The following LZTS1 variants were observed in gnomAD, a reference collection of about 807,000 sequenced individuals.
LZTS1 encodes leucine zipper tumor suppressor 1, also known as leucine zipper putative tumor suppressor 1.
Under a neutral mutation model 45.8 loss-of-function variants are expected in LZTS1, and 31 were observed. The ratio of observed to expected loss-of-function variants is 0.68; its 90% confidence interval spans 0.51 to 0.91. The LOEUF (loss-of-function observed/expected upper bound fraction) is 0.91. Among genes scored for constraint, LZTS1 ranks in the 40% least tolerant of loss-of-function variants. The pLI is 0.00. For missense variants in LZTS1, 821 were observed against 788.9 expected (o/e 1.04, Z -0.49); for synonymous variants, 359 against 357.3 (o/e 1.00, Z -0.05).
chr8:20,251,777 C>G (rs139365430), intron 3 of LZTS1, among the ~76,000 whole-genome samples: 2 of 152,238 alleles, frequency 1.3e-5, no homozygotes, highest in East Asian at 3.9e-4. Flanking sequence ...AGTCTTTACT[C>G]CAGTAGACAG....
At position 20,253,214 on chromosome 8, in the gene LZTS1, C is replaced by T. The variant is rs377416973; in HGVS notation, c.717G>A (p.Leu239=). 4.3e-6 allele frequency: 7 copies of T among 1,613,838 alleles called. No individual in the cohort carries two copies. The highest frequency in any genetic ancestry group is 1.3e-5 in the African/African-American group (1 of 75,068). ...CCTTGTCTGCCTTGTTCGAGTGGCCCAGCTTGCTACCTCCGTCGGAGAAGG... is the reference window on the plus strand; with the variant it reads ...CCTTGTCTGCCTTGTTCGAGTGGCCTAGCTTGCTACCTCCGTCGGAGAAGG... ...ALSFSDGGSK[L]GHSNKADKGP... The change falls in exon 3 of 4, where the codon CTG becomes CTA. Residue 239 remains leucine, a synonymous_variant. Transcript: ENST00000381569.
Position 20,255,086 on chromosome 8 carries a change from C to G in LZTS1, c.96G>C (p.Lys32Asn). The change falls in exon 2 of 4, where the codon AAG (lysine) becomes AAC (asparagine). Residue 32 changes from lysine (K) to asparagine (N), a missense_variant. Transcript: ENST00000381569. ...QYKLRKSSHL[K>N]KLNRYSDGLL... ...GCCCGTCGGAATACCGGTTGAGCTT[C>G]TTGAGGTGGGAGGACTTGCGCAGCT... 1 of 1,614,202 alleles carries G rather than the reference C, an allele frequency of 6.2e-7. No homozygotes were observed. The highest frequency in any genetic ancestry group is 8.5e-7 in the Non-Finnish European group (1 of 1,180,048).
chr8:20,302,753 C>G (rs1801102989), intron 1 of LZTS1, among the ~76,000 whole-genome samples: 1 of 152,194 alleles, frequency 6.6e-6, no homozygotes, highest in Admixed American at 6.5e-5. Flanking sequence ...AGACAGGAAA[C>G]ACTTTAGGAG....
At chr8:20,266,699 T>C (rs1017160934) in intron 1 of LZTS1, among the ~76,000 whole-genome samples, 1 of 152,212 alleles carries the variant, frequency 6.6e-6, no homozygotes, top group Non-Finnish European at 1.5e-5. Flanking sequence ...AAAAGCAGCA[T>C]GAATTTAACC....
chr8:20,253,631 G>T (rs201207538), intron 2 of LZTS1, 46 bp from the exon 3 acceptor site: 3 of 1,385,646 alleles, frequency 2.2e-6, no homozygotes, highest in Admixed American at 2.9e-5. Flanking sequence ...CCCTGCGCGC[G>T]CATTGCACCC....
chr8:20,264,603 C>G (rs2128894912), intron 1 of LZTS1, among the ~76,000 whole-genome samples: 1 of 152,262 alleles, frequency 6.6e-6, no homozygotes, highest in Non-Finnish European at 1.5e-5. Flanking sequence ...GGGAGGAGCC[C>G]TGTGACCAGG....
intron 2 of LZTS1, among the ~76,000 whole-genome samples, chr8:20,254,387 GGCA>G (rs1236459386): frequency 6.6e-6 from 1 of 152,114 alleles, no homozygotes; most frequent in Admixed American, 6.5e-5. Context: ...TGCACACCAG[GGCA>G]GCAAATGAGA....
Position 20,279,563 on chromosome 8 carries a change from G to A in LZTS1, c.-135+24177C>T, listed in dbSNP as rs372630098. Among the ~76,000 whole-genome samples, 70 of 151,820 alleles carry A rather than the reference G, an allele frequency of 4.6e-4. 1 individual carries two copies. The highest frequency in any genetic ancestry group is 3.4e-4 in the Non-Finnish European group (23 of 67,992). On this transcript the variant is annotated intron_variant, in intron 1 of 3. Transcript: ENST00000381569. ...CAAAACATTTTAAAATTAGCTGGGC[G>A]TGGTGCCATGCACCTGAAGTCCCAG...
chr8:20,288,769 C>A (rs995273452), intron 1 of LZTS1, among the ~76,000 whole-genome samples: 2 of 152,160 alleles, frequency 1.3e-5, no homozygotes, highest in Non-Finnish European at 2.9e-5. Flanking sequence ...CCCAACCTGC[C>A]CCTCCTCTGC....
intron 1 of LZTS1, among the ~76,000 whole-genome samples, chr8:20,280,812 C>A (rs1393349031): frequency 6.6e-6 from 1 of 152,140 alleles, no homozygotes; most frequent in African/African-American, 2.4e-5. Context: ...CTGGGAGCTG[C>A]ACTCCCTACC....
intron 1 of LZTS1, among the ~76,000 whole-genome samples, chr8:20,287,992 G>T (rs1031774241): frequency 4.0e-5 from 6 of 151,884 alleles, no homozygotes; most frequent in African/African-American, 1.5e-4. Context: ...AGAGGGTGGG[G>T]TCCTCCACTC....
At chr8:20,287,881 G>A (rs964147107) in intron 1 of LZTS1, among the ~76,000 whole-genome samples, 9 of 111,094 alleles carry the variant, frequency 8.1e-5, no homozygotes, top group African/African-American at 2.8e-4. Context: ...AGCTAATCAC[G>A]CCAAAGCACT....
chr8:20,282,682 C>T lies in LZTS1; in HGVS notation c.-135+21058G>A, dbSNP rs1020832106. 3.3e-5 allele frequency among the ~76,000 whole-genome samples: 5 copies of T among 152,318 alleles called. No homozygotes were observed. The East Asian group carries it at 5.8e-4, about 18-fold the overall frequency. On this transcript the variant is annotated intron_variant, in intron 1 of 3. Coordinates refer to ENST00000381569, the MANE Select transcript of LZTS1 (RefSeq NM_021020.5). Reference sequence around the variant, plus strand: ...GTGTGGTAGGACATTTAGCAGCATTCCTGGCCCCTACATTCTATGTGCCAG... The same window carrying T: ...GTGTGGTAGGACATTTAGCAGCATTTCTGGCCCCTACATTCTATGTGCCAG...
At chr8:20,252,707 C>T (rs775607254) in intron 3 of LZTS1, 75 bp downstream of exon 3, 19 of 1,371,812 alleles carry the variant, frequency 1.4e-5, no homozygotes, top group African/African-American at 2.9e-5. Context: ...CGCTATTGGC[C>T]GGCACCAGAA....
At chr8:20,300,737 G>A (rs911481284) in intron 1 of LZTS1, among the ~76,000 whole-genome samples, 1 of 152,188 alleles carries the variant, frequency 6.6e-6, no homozygotes, top group Admixed American at 6.5e-5. Context: ...ATACTGGTAT[G>A]ATGGTAGGGA....
chr8:20,301,144 A>AT (rs1801070097), intron 1 of LZTS1, among the ~76,000 whole-genome samples: 1 of 141,366 alleles, frequency 7.1e-6, no homozygotes, highest in African/African-American at 2.6e-5. Context: ...AAAAAAAAAA[A>AT]AGTGGGAGCC....
chr8:20,286,155 A>G (rs1049949694), intron 1 of LZTS1, among the ~76,000 whole-genome samples: 1 of 152,244 alleles, frequency 6.6e-6, no homozygotes, highest in Non-Finnish European at 1.5e-5. Context: ...ATATTAATAA[A>G]TTAAGAATTT....
At chr8:20,268,590 C>T (rs955948365) in intron 1 of LZTS1, among the ~76,000 whole-genome samples, 8 of 152,164 alleles carry the variant, frequency 5.3e-5, no homozygotes, top group African/African-American at 1.7e-4. Flanking sequence ...TCAGCCCAGG[C>T]TGCAAACCTC....
chr8:20,270,797 CTCTG>C (rs780811800), intron 1 of LZTS1, among the ~76,000 whole-genome samples: 3,980 of 99,032 alleles, frequency 0.04, 75 homozygotes, highest in African/African-American at 0.05. Flanking sequence ...CGAGTGTGTC[CTCTG>C]TGTGTGTGTG....
Sources: gnomAD v4.1 joint callset for allele counts (sites outside exome capture counted in the v4.1 genomes callset) on GRCh38, gnomAD v4.1.1 for gene constraint, MANE v1.5 for transcripts, NCBI Gene and HGNC (gene_info 2026-07-23, HGNC 2026-07-21) for gene names.